Variants in LRRFIP1 observed in about 807,000 individuals in gnomAD.
The protein encoded by LRRFIP1 is LRR binding FLII interacting protein 1.
Under a neutral mutation model 104.4 loss-of-function variants are expected in LRRFIP1, and 62 were observed. The ratio of observed to expected loss-of-function variants is 0.59; its 90% CI spans 0.48 to 0.73. The LOEUF (loss-of-function observed/expected upper bound fraction) is 0.73. LRRFIP1 is among the 30% of genes least tolerant of loss of function. The pLI is 0.00. For synonymous variants in LRRFIP1, 300 were observed against 299.0 expected (o/e 1.00, Z -0.03); for missense variants, 796 against 824.5 (o/e 0.97, Z 0.42).
At chr2:237,664,145 C>T (rs993620369) in intron 1 of LRRFIP1, among the ~76,000 whole-genome samples, 1 of 152,182 alleles carries the variant, frequency 6.6e-6, no homozygotes, top group Non-Finnish European at 1.5e-5. Flanking sequence ...AGGGTCCTGG[C>T]GGCCTCAGCC....
chr2:237,715,969 G>T (rs1368587499), intron 3 of LRRFIP1, among the ~76,000 whole-genome samples: 1 of 152,216 alleles, frequency 6.6e-6, no homozygotes, highest in African/African-American at 2.4e-5. Flanking sequence ...CGAGGTGAAA[G>T]ATTTTCAGAA....
At chr2:237,663,673 CT>C (rs2088554169) in intron 1 of LRRFIP1, among the ~76,000 whole-genome samples, 1 of 152,262 alleles carries the variant, frequency 6.6e-6, no homozygotes, top group African/African-American at 2.4e-5. Context: ...TTCCGGGCCT[CT>C]GACAGGGTGC....
In LRRFIP1 at chr2:237,692,080, T is replaced by A. The variant is rs1307847226; in HGVS notation, c.97-16464T>A. On this transcript the variant is annotated intron_variant, in intron 1 of 23. Coordinates refer to ENST00000308482, the MANE Select transcript of LRRFIP1 (RefSeq NM_001137550.2). ...AAGGCGGGTCATGGGGCGGGGGCGG[T>A]GGGGCGAGTCATGGGGCGGGGACGG... 1.4e-5 allele frequency: 6 copies of A among 436,578 alleles called. No homozygotes were observed. The African/African-American group carries it at 3.2e-4, about 23-fold the overall frequency. 27.0% of individuals were successfully genotyped at this position (436,578 alleles called of 1,614,324 possible). A position where few individuals can be genotyped will look rare whatever the true frequency, so the allele number is the denominator to read the frequency against.
rs189679734 is a variant in LRRFIP1 at position 237,694,789 on chromosome 2, G to A, written c.97-13755G>A. Among the ~76,000 whole-genome samples the A allele has an allele frequency of 5.3e-5, 8 of 152,334 alleles. No individual in the cohort carries two copies. The East Asian group carries it at 9.6e-4, about 18-fold the overall frequency. On this transcript the variant is annotated intron_variant, in intron 1 of 23. Coordinates refer to ENST00000308482, the MANE Select transcript of LRRFIP1 (RefSeq NM_001137550.2). Reference sequence around the variant, plus strand: ...GGAGCTGTAGGAGAGGGTCCGATGCGGACAGTGGAGACACTGTGCATTTCT... The same window carrying A: ...GGAGCTGTAGGAGAGGGTCCGATGCAGACAGTGGAGACACTGTGCATTTCT...
At chr2:237,660,231 G>A (rs530174918) in intron 1 of LRRFIP1, among the ~76,000 whole-genome samples, 1 of 152,158 alleles carries the variant, frequency 6.6e-6, no homozygotes, top group Non-Finnish European at 1.5e-5. Context: ...ACTACACATG[G>A]CTCTAAAACA....
chr2:237,691,054 G>T lies in LRRFIP1; in HGVS notation c.97-17490G>T, dbSNP rs1472972037. 6.6e-6 allele frequency among the ~76,000 whole-genome samples: 1 copy of T among 151,702 alleles called. No homozygotes were observed. Among genetic ancestry groups the T allele is most frequent in the Non-Finnish European group, 1.5e-5 (1 of 68,026 alleles). On this transcript the variant is annotated intron_variant, in intron 1 of 23. Coordinates refer to ENST00000308482, the MANE Select transcript of LRRFIP1 (RefSeq NM_001137550.2). This position sits in a 1 kb window ranked among gnomAD's most constrained non-coding sequence, Gnocchi z 5.4. ...GACAACTCCTGCCCTGAAGCCCTGGGCCCGGGTCACGGCGGGAAGGTGAGT... is the reference window on the plus strand; with the variant it reads ...GACAACTCCTGCCCTGAAGCCCTGGTCCCGGGTCACGGCGGGAAGGTGAGT...
chr2:237,739,189 C>G, intron 10 of LRRFIP1, 43 bp from the exon 11 acceptor site: 1 of 1,531,708 alleles, frequency 6.5e-7, no homozygotes, highest in Non-Finnish European at 8.8e-7. Context: ...GACCCTGTTC[C>G]TTTGTTTCTG....
At chr2:237,753,166 C>T (rs1007304268) in intron 14 of LRRFIP1, 143 bp from the exon 15 acceptor site, 26 of 570,114 alleles carry the variant, frequency 4.6e-5, no homozygotes, top group Middle Eastern at 8.9e-4. Flanking sequence ...TTGAAATTGC[C>T]ATGTGTTTCT....
intron 18 of LRRFIP1, 144 bp downstream of exon 18, chr2:237,758,965 A>G: frequency 3.5e-6 from 2 of 566,080 alleles, no homozygotes; most frequent in Non-Finnish European, 6.1e-6. Context: ...TATTGGGTTA[A>G]CTGACAGCGA....
intron 11 of LRRFIP1, among the ~76,000 whole-genome samples, chr2:237,747,716 G>A (rs954825994): frequency 1.3e-5 from 2 of 152,142 alleles, no homozygotes; most frequent in African/African-American, 4.8e-5. Flanking sequence ...TCTGAGCTAC[G>A]GGAAGTTGGG....
At chr2:237,772,706 C>T (rs1427935888) in intron 21 of LRRFIP1, 160 bp from the exon 22 acceptor site, 2 of 610,700 alleles carry the variant, frequency 3.3e-6, no homozygotes, top group East Asian at 2.8e-5. Flanking sequence ...GGAGAGAGTG[C>T]CTTCTCCTAC....
chr2:237,733,372 T>C (rs559387911), intron 8 of LRRFIP1, among the ~76,000 whole-genome samples: 1 of 152,352 alleles, frequency 6.6e-6, no homozygotes, highest in South Asian at 2.1e-4. Flanking sequence ...TCTTCATGTG[T>C]GGACATCTGC....
chr2:237,723,165 C>T lies in LRRFIP1; in HGVS notation c.346-383C>T, dbSNP rs575097337. ...AGATTTTGGATTTTCTAGAATTTCT[C>T]GAGTTTAGATTTTCTGGAAAATCTA... On this transcript the variant is annotated intron_variant, in intron 6 of 23. Coordinates refer to ENST00000308482, the MANE Select transcript of LRRFIP1 (RefSeq NM_001137550.2). Among the ~76,000 whole-genome samples the T allele has an allele frequency of 7.9e-5, 12 of 152,070 alleles. No individual in the cohort carries two copies. In the South Asian group the frequency reaches 8.3e-4, roughly 11 times the overall value.
chr2:237,674,773 A>G (rs1043139992), intron 1 of LRRFIP1, among the ~76,000 whole-genome samples: 1 of 152,232 alleles, frequency 6.6e-6, no homozygotes, highest in Non-Finnish European at 1.5e-5. Flanking sequence ...AATAGAAACC[A>G]CAGGTATTTC....
chr2:237,708,272 A>G (rs2093911397), intron 1 of LRRFIP1, among the ~76,000 whole-genome samples: 1 of 152,234 alleles, frequency 6.6e-6, no homozygotes, highest in Non-Finnish European at 1.5e-5. Flanking sequence ...GTCTCGGCCT[A>G]ATGAGGCTGT....
At chr2:237,676,636 G>T (rs891241030) in intron 1 of LRRFIP1, among the ~76,000 whole-genome samples, 2 of 152,186 alleles carry the variant, frequency 1.3e-5, no homozygotes, top group African/African-American at 2.4e-5. Flanking sequence ...CTCCTGAGTA[G>T]CTGGAATTAT....
At chr2:237,673,349 G>GC (rs1426763201) in intron 1 of LRRFIP1, among the ~76,000 whole-genome samples, 2 of 152,184 alleles carry the variant, frequency 1.3e-5, no homozygotes, top group African/African-American at 4.8e-5. Flanking sequence ...CATGGTAGGC[G>GC]CCCGGGGGGA....
rs377326665 is a variant in LRRFIP1, at chr2:237,647,517, C to T, written c.96+19777C>T. ...GGGTGTCCCTTCCCTCAGATGGGTG[C>T]CCCCCCACCCTGCAGCAGGGTTGAG... On this transcript the variant is annotated intron_variant, in intron 1 of 23. Transcript: ENST00000308482. 4.6e-5 allele frequency among the ~76,000 whole-genome samples: 7 copies of T among 152,098 alleles called. No homozygotes were observed. The East Asian group carries it at 5.8e-4, about 13-fold the overall frequency.
chr2:237,662,187 C>T (rs1021620705), intron 1 of LRRFIP1, among the ~76,000 whole-genome samples: 1 of 152,260 alleles, frequency 6.6e-6, no homozygotes, highest in East Asian at 1.9e-4. Context: ...CCAGGCTCTG[C>T]CTCCGTCTCC....
Sources: gnomAD v4.1 joint callset for allele counts (sites outside exome capture counted in the v4.1 genomes callset) on GRCh38, gnomAD v4.1.1 for gene constraint, Gnocchi (gnomAD v3.1) non-coding constraint, MANE v1.5 for transcripts, NCBI Gene and HGNC (gene_info 2026-07-23, HGNC 2026-07-21) for gene names.